Variants in DENND5B observed in about 807,000 individuals in gnomAD.
DENND5B encodes DENN domain-containing protein 5B.
Under a neutral mutation model 140.6 loss-of-function variants are expected in DENND5B, and 34 were observed. The ratio of observed to expected loss-of-function variants is 0.24; its 90% confidence interval spans 0.18 to 0.32. DENND5B has a LOEUF of 0.32. DENND5B is among the 10% of genes least tolerant of loss of function. The probability of loss-of-function intolerance (pLI) is 1.00; values close to 1 mark genes in which losing one functional copy is unlikely to be tolerated. For missense variants in DENND5B, 1,142 were observed against 1,560.2 expected (o/e 0.73, Z 4.52); for synonymous variants, 551 against 562.1 (o/e 0.98, Z 0.28).
In DENND5B at chr12:31,479,579, G is replaced by A. The variant is rs774077912; in HGVS notation, c.904+10C>T. ...GTTTTTGGAAAATGTAAAATCCAAG[G>A]AAAACCTACCTTGTGAGTAGAGAAG... On this transcript the variant is annotated intron_variant, in intron 3 of 20. Transcript: ENST00000389082. 1.4e-5 allele frequency: 20 copies of A among 1,472,846 alleles called. No individual in the cohort carries two copies. The Admixed American group carries it at 1.9e-4, about 14-fold the overall frequency. 91.2% of individuals were successfully genotyped at this position (1,472,846 alleles called of 1,614,324 possible).
chr12:31,382,228 T>A lies in DENND5B; in HGVS notation c.*5375A>T, dbSNP rs1263818220. On this transcript the variant is annotated 3_prime_UTR_variant, in exon 21 of 21. Transcript: ENST00000389082. ...TACAACAATGAAGCAAAACAAAGTATCAATCCCACAGTTTTATTTGTAAAG... is the reference window on the plus strand; with the variant it reads ...TACAACAATGAAGCAAAACAAAGTAACAATCCCACAGTTTTATTTGTAAAG... 1.3e-5 allele frequency: 2 copies of A among 152,200 alleles called. No homozygotes were observed. The highest frequency in any genetic ancestry group is 2.9e-5 in the Non-Finnish European group (2 of 68,044). The allele number at this position is 152,200 out of a possible 1,614,324, so 9.4% of individuals were successfully genotyped here.
At chr12:31,561,830 AT>A (rs1949485194) in intron 1 of DENND5B, among the ~76,000 whole-genome samples, 1 of 152,166 alleles carries the variant, frequency 6.6e-6, no homozygotes, top group Non-Finnish European at 1.5e-5. Context: ...ACACATGAGC[AT>A]TTTTTCCCTT....
At position 31,562,004 on chromosome 12, in the gene DENND5B, T is replaced by C. The variant is rs556547335; in HGVS notation, c.127+28702A>G. 4.0e-4 allele frequency among the ~76,000 whole-genome samples: 61 copies of C among 152,330 alleles called. No homozygotes were observed. In the Middle Eastern group the frequency reaches 0.014, roughly 34 times the overall value. On this transcript the variant is annotated intron_variant, in intron 1 of 20. Transcript: ENST00000389082. Reference sequence around the variant, plus strand: ...CTACAAATATAAATAAATAACAGGTTACATTAATTGGGTACTTCCCATATA... The same window carrying C: ...CTACAAATATAAATAAATAACAGGTCACATTAATTGGGTACTTCCCATATA...
At chr12:31,523,134 C>T (rs1327114774) in intron 1 of DENND5B, among the ~76,000 whole-genome samples, 2 of 151,300 alleles carry the variant, frequency 1.3e-5, no homozygotes, top group Non-Finnish European at 2.9e-5. Flanking sequence ...TCTCGGCTCA[C>T]TGCAGCCTCC....
intron 1 of DENND5B, among the ~76,000 whole-genome samples, chr12:31,523,777 C>G (rs979623205): frequency 2.0e-5 from 3 of 152,074 alleles, no homozygotes; most frequent in African/African-American, 7.2e-5. Context: ...TTATATTTTC[C>G]CTCATTTGTA....
intron 7 of DENND5B, among the ~76,000 whole-genome samples, chr12:31,434,294 TG>T (rs1943644333): frequency 1.3e-5 from 2 of 152,228 alleles, no homozygotes; most frequent in Non-Finnish European, 2.9e-5. Context: ...CTAATTACTA[TG>T]TTCCAGTATA....
intron 1 of DENND5B, among the ~76,000 whole-genome samples, chr12:31,558,278 C>T (rs180907135): frequency 2.1e-3 from 315 of 152,226 alleles, no homozygotes; most frequent in Admixed American, 6.1e-3. Context: ...CCCCCAACCC[C>T]CTTGTTTTCT....
At chr12:31,545,641 T>A (rs1948829855) in intron 1 of DENND5B, among the ~76,000 whole-genome samples, 1 of 152,032 alleles carries the variant, frequency 6.6e-6, no homozygotes, top group South Asian at 2.1e-4. Flanking sequence ...TTTCAAATGT[T>A]TAGTGAAAAA....
At chr12:31,571,617 AT>A (rs5797419) in intron 1 of DENND5B, among the ~76,000 whole-genome samples, 99,763 of 148,264 alleles carry the variant, frequency 0.67, 33,962 homozygotes, top group East Asian at 0.88. Flanking sequence ...AAAAGCCACA[AT>A]TTTTTTTTTT....
chr12:31,488,014 G>A (rs1946376052), intron 2 of DENND5B, among the ~76,000 whole-genome samples: 1 of 152,054 alleles, frequency 6.6e-6, no homozygotes, highest in Non-Finnish European at 1.5e-5. Flanking sequence ...GGTATGCAGT[G>A]GTGTGATGTC....
chr12:31,588,238 G>A (rs978806414), intron 1 of DENND5B, among the ~76,000 whole-genome samples: 1 of 152,030 alleles, frequency 6.6e-6, no homozygotes, highest in African/African-American at 2.4e-5. Flanking sequence ...GTCCTTCAAG[G>A]CTCTGTTCAA....
At chr12:31,464,450 AG>A (rs1945164200) in intron 3 of DENND5B, among the ~76,000 whole-genome samples, 1 of 152,186 alleles carries the variant, frequency 6.6e-6, no homozygotes, top group Admixed American at 6.6e-5. Flanking sequence ...TTTCCATCCC[AG>A]GAATTATTCA....
intron 20 of DENND5B, among the ~76,000 whole-genome samples, chr12:31,388,226 C>CTTTTTTTTT (rs35891849): frequency 5.5e-5 from 5 of 91,474 alleles, no homozygotes; most frequent in African/African-American, 1.3e-4. Context: ...TAGGGACTTG[C>CTTTTTTTTT]TTTTTTTTTT....
Position 31,423,644 on chromosome 12 carries a change from T to C in DENND5B, c.2423A>G (p.Gln808Arg). The change falls in exon 11 of 21, where the codon CAA becomes CGA. Residue 808 changes from glutamine to arginine, a missense_variant. By Grantham distance (43) the Gln-to-Arg change is conservative. Around this residue, in one of 5 missense-constraint regions of DENND5B, gnomAD observed 268 missense variants for 349.2 expected, o/e 0.77. Coordinates refer to ENST00000389082, the MANE Select transcript of DENND5B (RefSeq NM_144973.4). ...GKSALWSHLI[Q>R]FQDREEKQEH... is the part of the protein sequence containing the mutation. ...TTGTTTCTCTTCTCTGTCCTGAAAT[T>C]GAATTAAATGTGACCACAAAGCCGA... 6.2e-7 allele frequency: 1 copy of C among 1,613,916 alleles called. No individual in the cohort carries two copies. The highest frequency in any genetic ancestry group is 8.5e-7 in the Non-Finnish European group (1 of 1,179,858).
At chr12:31,578,130 A>C (rs1950085515) in intron 1 of DENND5B, among the ~76,000 whole-genome samples, 1 of 149,210 alleles carries the variant, frequency 6.7e-6, no homozygotes, top group Non-Finnish European at 1.5e-5. Flanking sequence ...CTGTCTCAAA[A>C]AAAAAAAAAA....
intron 1 of DENND5B, among the ~76,000 whole-genome samples, chr12:31,566,316 G>C (rs1340340716): frequency 1.4e-5 from 2 of 145,404 alleles, no homozygotes; most frequent in Non-Finnish European, 3.0e-5. Flanking sequence ...GGGAAACATA[G>C]TGAGAACCTC....
rs772417621 is a variant in DENND5B, at chr12:31,480,217, C to T, written c.276G>A (p.Thr92=). 6 of 1,595,178 alleles carry T rather than the reference C, an allele frequency of 3.8e-6. No homozygotes were observed. Among genetic ancestry groups the T allele is most frequent in the African/African-American group, 2.7e-5 (2 of 74,592 alleles). ...MPKGLSFRTQ[T]DNKDPQFHSF... The stretch of plus-strand genomic sequence containing the variant: ...AGTGAAACTGGGGGTCTTTATTGTC[C>T]GTTTGTGTCCTGAAAGATAGCCCTT... Residue 92 remains threonine, a synonymous_variant, in exon 3 of 21, where the codon ACG becomes ACA. Transcript: ENST00000389082.
intron 1 of DENND5B, among the ~76,000 whole-genome samples, chr12:31,580,054 G>A (rs1950167068): frequency 6.6e-6 from 1 of 151,954 alleles, no homozygotes; most frequent in Non-Finnish European, 1.5e-5. Context: ...TGATGTAGGT[G>A]CCATGAAGAA....
chr12:31,384,245 ACTC>A lies in DENND5B; in HGVS notation c.*3355_*3357del, dbSNP rs1351641191. The A allele has an allele frequency of 1.3e-5, 2 of 151,978 alleles. No individual in the cohort carries two copies. The highest frequency in any genetic ancestry group is 4.8e-5 in the African/African-American group (2 of 41,342). 9.4% of individuals were successfully genotyped at this position (151,978 alleles called of 1,614,324 possible). ...CCTATGTTACCCAGGCTGGACTCAAACTCCTGGGTTGAAGTGATCCTCCTGCCT... is the reference window on the plus strand; with the variant it reads ...CCTATGTTACCCAGGCTGGACTCAAACTGGGTTGAAGTGATCCTCCTGCCT... On this transcript the variant is annotated 3_prime_UTR_variant, in exon 21 of 21. Coordinates refer to ENST00000389082, the MANE Select transcript of DENND5B (RefSeq NM_144973.4).
Sources: gnomAD v4.1 joint callset for allele counts (sites outside exome capture counted in the v4.1 genomes callset) on GRCh38, gnomAD v4.1.1 for gene constraint, gnomAD v4.1.1 regional missense constraint, MANE v1.5 for transcripts, NCBI Gene and HGNC (gene_info 2026-07-23, HGNC 2026-07-21) for gene names.